COL19A1: variants seen among roughly 807,000 people sequenced by gnomAD.
COL19A1 encodes collagen type XIX alpha 1 chain.
Under a neutral mutation model 190.2 loss-of-function variants are expected in COL19A1, and 159 were observed. The ratio of observed to expected loss-of-function variants is 0.84; its 90% confidence interval spans 0.73 to 0.95. The LOEUF is 0.95. Among genes scored for constraint, COL19A1 ranks in the 40% least tolerant of loss-of-function variants. COL19A1 has a pLI of 0.00. For missense variants in COL19A1, 1,418 were observed against 1,431.9 expected (o/e 0.99, Z 0.16); for synonymous variants, 509 against 458.9 (o/e 1.11, Z -1.39).
Position 70,184,732 on chromosome 6 carries a change from T to C in COL19A1, c.2805T>C (p.Gly935=). Residue 935 remains glycine (G), a synonymous_variant, in exon 45 of 51, where the codon GGT becomes GGC. Coordinates refer to ENST00000620364, the MANE Select transcript of COL19A1 (RefSeq NM_001858.6). ...PGINGKDGIP[G]AQGIMGKPGD... ...TAAATGGAAAAGATGGAATACCAGG[T>C]GCTCAGGTATGGGAAATATGATTTA... The C allele has an allele frequency of 1.7e-5, 27 of 1,599,334 alleles. No homozygotes were observed. The highest frequency in any genetic ancestry group is 2.2e-5 in the Non-Finnish European group (26 of 1,168,314).
intron 27 of COL19A1, among the ~76,000 whole-genome samples, chr6:70,147,136 C>T (rs1786712790): frequency 6.6e-6 from 1 of 152,142 alleles, no homozygotes; most frequent in Non-Finnish European, 1.5e-5. Context: ...AGTCATTTAA[C>T]CCTTATACCT....
At chr6:69,883,405 G>A (rs1421062300) in intron 2 of COL19A1, among the ~76,000 whole-genome samples, 1 of 152,178 alleles carries the variant, frequency 6.6e-6, no homozygotes, top group East Asian at 1.9e-4. Context: ...CCGGATATCA[G>A]GTGGACAGGC....
chr6:70,092,843 A>C (rs1177339904), intron 15 of COL19A1, among the ~76,000 whole-genome samples: 1 of 152,170 alleles, frequency 6.6e-6, no homozygotes, highest in Non-Finnish European at 1.5e-5. Context: ...CCTTAATTGA[A>C]ATCAAGATAT....
chr6:69,937,993 A>G (rs755530324), intron 8 of COL19A1, 45 bp from the exon 9 acceptor site: 2 of 1,586,774 alleles, frequency 1.3e-6, no homozygotes, highest in Admixed American at 3.4e-5. Flanking sequence ...GCTTTAGATC[A>G]ATGTGACAGA....
chr6:70,152,938 C>T (rs1013450922), intron 31 of COL19A1, among the ~76,000 whole-genome samples: 26 of 152,054 alleles, frequency 1.7e-4, no homozygotes, highest in Admixed American at 1.2e-3. Context: ...TAGGCTCTGA[C>T]GGGAAGTGGA....
intron 7 of COL19A1, 88 bp downstream of exon 7, chr6:69,932,951 A>G (rs973413216): frequency 2.4e-6 from 2 of 821,732 alleles, no homozygotes; most frequent in Admixed American, 2.6e-5. Flanking sequence ...GTAGGGTAGC[A>G]CTGAGTGTGT....
At chr6:69,919,912 A>G (rs947291896) in intron 4 of COL19A1, among the ~76,000 whole-genome samples, 3 of 152,100 alleles carry the variant, frequency 2.0e-5, no homozygotes, top group Non-Finnish European at 4.4e-5. Context: ...AATAGAAAAA[A>G]TAATATTTGT....
At chr6:69,996,599 A>AT (rs577401671) in intron 11 of COL19A1, among the ~76,000 whole-genome samples, 2 of 152,064 alleles carry the variant, frequency 1.3e-5, no homozygotes, top group Non-Finnish European at 2.9e-5. Flanking sequence ...CTATACATGT[A>AT]TTTTTTTAAT....
At chr6:70,109,559 T>A (rs1722961139) in intron 16 of COL19A1, among the ~76,000 whole-genome samples, 1 of 151,460 alleles carries the variant, frequency 6.6e-6, no homozygotes, top group South Asian at 2.1e-4. Flanking sequence ...TGTGTGTGTG[T>A]GTGTGTGTGT....
intron 12 of COL19A1, among the ~76,000 whole-genome samples, chr6:70,032,083 G>A (rs949129569): frequency 2.0e-5 from 3 of 152,166 alleles, no homozygotes; most frequent in African/African-American, 4.8e-5. Flanking sequence ...AGGGAGGGAT[G>A]TCACTGGATA....
In COL19A1 at chr6:70,139,968, G is replaced by A. The variant is rs114403827; in HGVS notation, c.1447-986G>A. Among the ~76,000 whole-genome samples, 335 of 151,062 alleles carry A rather than the reference G, an allele frequency of 2.2e-3. 3 individuals are homozygous for A. The highest frequency in any genetic ancestry group is 6.3e-3 in the African/African-American group (258 of 41,130). On this transcript the variant is annotated intron_variant, in intron 19 of 50. Coordinates refer to ENST00000620364, the MANE Select transcript of COL19A1 (RefSeq NM_001858.6). Reference sequence around the variant, plus strand: ...ATAACCAGTTACTTTAGTCAATGTGGCCACTAAACTTTACAGTGGCTGTAA... The same window carrying A: ...ATAACCAGTTACTTTAGTCAATGTGACCACTAAACTTTACAGTGGCTGTAA...
rs554518300 is a variant in COL19A1, at chr6:70,209,347, T to G, written c.*2073T>G. On this transcript the variant is annotated 3_prime_UTR_variant, in exon 51 of 51. Coordinates refer to ENST00000620364, the MANE Select transcript of COL19A1 (RefSeq NM_001858.6). ...GTTTATCTTTTTGCCTGTTTGCTAA[T>G]TTAAAAATATTTATTTTATCATTTT... 1 of 152,478 alleles carries G rather than the reference T, an allele frequency of 6.6e-6. No individual in the cohort carries two copies. Among genetic ancestry groups the G allele is most frequent in the African/African-American group, 2.4e-5 (1 of 41,458 alleles). 9.4% of individuals were successfully genotyped at this position (152,478 alleles called of 1,614,324 possible). A position where few individuals can be genotyped will look rare whatever the true frequency, so the allele number is the denominator to read the frequency against.
At chr6:69,936,292 C>T (rs1019971328) in intron 7 of COL19A1, among the ~76,000 whole-genome samples, 5 of 152,058 alleles carry the variant, frequency 3.3e-5, no homozygotes, top group Non-Finnish European at 5.9e-5. Context: ...ACAAAGTATA[C>T]TTTGATTTAA....
At chr6:69,962,193 A>G (rs1017400182) in intron 10 of COL19A1, among the ~76,000 whole-genome samples, 1 of 152,180 alleles carries the variant, frequency 6.6e-6, no homozygotes, top group African/African-American at 2.4e-5. Context: ...CAGATCAGAG[A>G]GGGTGTAGAT....
intron 15 of COL19A1, 38 bp from the exon 16 acceptor site, chr6:70,102,131 G>GTCATTTT (rs1263523832): frequency 6.7e-7 from 1 of 1,499,728 alleles, no homozygotes; most frequent in African/African-American, 1.4e-5. Flanking sequence ...ATATAATGGA[G>GTCATTTT]TCACAGTATT....
intron 14 of COL19A1, among the ~76,000 whole-genome samples, chr6:70,052,888 G>A (rs1780286950): frequency 6.6e-6 from 1 of 152,256 alleles, no homozygotes; most frequent in South Asian, 2.1e-4. Flanking sequence ...GTTATCTTTA[G>A]AGAATTCATC....
intron 37 of COL19A1, among the ~76,000 whole-genome samples, chr6:70,166,844 A>AT (rs144042405): frequency 0.07 from 10,597 of 152,272 alleles, 1,227 homozygotes; most frequent in African/African-American, 0.24. Context: ...GACGGAAAGT[A>AT]TTAGGGTTCA....
chr6:69,943,467 A>G (rs527600524), intron 9 of COL19A1, among the ~76,000 whole-genome samples: 10 of 152,248 alleles, frequency 6.6e-5, no homozygotes, highest in African/African-American at 2.4e-4. Flanking sequence ...GGTTGTAGCC[A>G]CAAAATCTTT....
chr6:70,017,087 T>C (rs1411699711), intron 11 of COL19A1, among the ~76,000 whole-genome samples: 2 of 152,008 alleles, frequency 1.3e-5, no homozygotes, highest in Non-Finnish European at 2.9e-5. Context: ...TTAGAATATC[T>C]AAAAATAAGA....
Sources: allele counts gnomAD v4.1 joint callset (sites outside exome capture counted in the v4.1 genomes callset), GRCh38; gene constraint gnomAD v4.1.1; transcripts MANE v1.5; gene names NCBI Gene and HGNC (gene_info 2026-07-23, HGNC 2026-07-21).